Variants in ADK observed in about 807,000 individuals in gnomAD.
ADK encodes N6,N6-dimethyladenosine kinase.
A neutral mutation model predicts 44.7 loss-of-function variants in ADK; 24 were observed. The observed-to-expected ratio is 0.54, with a 90% CI of 0.39 to 0.76. The LOEUF is 0.76. Ranked by LOEUF, ADK falls within the 30% of genes least tolerant of loss-of-function variation. ADK has a pLI of 0.00. For synonymous variants in ADK, 128 were observed against 142.6 expected (o/e 0.90, Z 0.73); for missense variants, 321 against 425.1 (o/e 0.76, Z 2.15).
chr10:74,411,085 C>T (rs1230348584), intron 6 of ADK, among the ~76,000 whole-genome samples: 1 of 151,934 alleles, frequency 6.6e-6, no homozygotes, highest in Non-Finnish European at 1.5e-5. Context: ...TGCATTTTTG[C>T]CTCAAATTTT....
intron 3 of ADK, among the ~76,000 whole-genome samples, chr10:74,305,925 A>C (rs1300436258): frequency 6.6e-6 from 1 of 151,988 alleles, no homozygotes; most frequent in Admixed American, 6.6e-5. Flanking sequence ...GGGTCTCACT[A>C]TGTTGCCCAG....
chr10:74,267,082 T>G (rs1481139573), intron 3 of ADK, among the ~76,000 whole-genome samples: 1 of 152,226 alleles, frequency 6.6e-6, no homozygotes, highest in African/African-American at 2.4e-5. Context: ...TTCCATTGTA[T>G]TAGATATTGT....
At chr10:74,320,855 A>G (rs1443276031) in intron 4 of ADK, among the ~76,000 whole-genome samples, 1 of 152,156 alleles carries the variant, frequency 6.6e-6, no homozygotes, top group African/African-American at 2.4e-5. Flanking sequence ...GTCTTCTTCA[A>G]TTTGGGAGTA....
chr10:74,672,646 A>T (rs1855231933), intron 10 of ADK, among the ~76,000 whole-genome samples: 1 of 152,228 alleles, frequency 6.6e-6, no homozygotes, highest in African/African-American at 2.4e-5. Flanking sequence ...TCCTAATGTC[A>T]GTTTATTAAT....
chr10:74,387,444 G>A (rs569258960), intron 4 of ADK, among the ~76,000 whole-genome samples: 12 of 152,224 alleles, frequency 7.9e-5, no homozygotes, highest in African/African-American at 2.6e-4. Flanking sequence ...TGGCTGAAAC[G>A]AATTATTTAA....
chr10:74,408,723 G>A (rs1564704836), intron 6 of ADK, among the ~76,000 whole-genome samples: 2 of 151,958 alleles, frequency 1.3e-5, no homozygotes, highest in Non-Finnish European at 2.9e-5. Flanking sequence ...AATAAATTAA[G>A]CTAAAGAAAA....
intron 6 of ADK, among the ~76,000 whole-genome samples, chr10:74,424,209 G>A (rs576985904): frequency 3.9e-5 from 6 of 152,100 alleles, no homozygotes; most frequent in South Asian, 2.1e-4. Context: ...TTACTTAAAC[G>A]CAGAGACCAT....
At chr10:74,337,197 G>C (rs764624069) in intron 4 of ADK, among the ~76,000 whole-genome samples, 6 of 152,246 alleles carry the variant, frequency 3.9e-5, no homozygotes, top group Non-Finnish European at 7.3e-5. Flanking sequence ...AAGCAAGGCA[G>C]CTAATGAAGA....
chr10:74,425,651 A>G (rs117619408), intron 6 of ADK, among the ~76,000 whole-genome samples: 5,214 of 152,300 alleles, frequency 0.034, 147 homozygotes, highest in Middle Eastern at 0.054. Context: ...CCAGTGTATC[A>G]CTGCCAGTTC....
Position 74,527,669 on chromosome 10 carries a change from A to G in ADK, c.726+2243A>G, listed in dbSNP as rs116829936. 3.9e-3 allele frequency: 4,168 copies of G among 1,067,518 alleles called. 110 individuals are homozygous for G. The African/African-American group carries it at 0.057, about 15-fold the overall frequency. The allele number at this position is 1,067,518 out of a possible 1,614,324, so 66.1% of individuals were successfully genotyped here. ...AATATTTTGGCATCTTCAGCCTACC[A>G]AAACTGTGTCAAAAATGCCTCTCTT... On this transcript the variant is annotated intron_variant, in intron 7 of 10. Transcript: ENST00000539909.
chr10:74,309,840 A>G (rs1471413891), intron 3 of ADK, among the ~76,000 whole-genome samples: 1 of 152,130 alleles, frequency 6.6e-6, no homozygotes, highest in Non-Finnish European at 1.5e-5. Flanking sequence ...GTATAAGGAC[A>G]TCCCGTATTA....
At chr10:74,413,530 C>G (rs1844260562) in intron 6 of ADK, among the ~76,000 whole-genome samples, 1 of 152,220 alleles carries the variant, frequency 6.6e-6, no homozygotes, top group Non-Finnish European at 1.5e-5. Flanking sequence ...CCTCACCTCT[C>G]AGCTTTAACA....
chr10:74,362,365 A>G (rs569390227), intron 4 of ADK, among the ~76,000 whole-genome samples: 1,602 of 91,364 alleles, frequency 0.018, 28 homozygotes, highest in African/African-American at 0.047. Flanking sequence ...TTTTCGCTTC[A>G]TTAATTTTTT....
chr10:74,655,763 C>T (rs1344227270), intron 9 of ADK: 3 of 491,954 alleles, frequency 6.1e-6, no homozygotes, highest in African/African-American at 3.9e-5. Context: ...CAGACACCCT[C>T]CCTGGCCACC....
chr10:74,530,809 C>G (rs1849256449), intron 7 of ADK, among the ~76,000 whole-genome samples: 2 of 152,112 alleles, frequency 1.3e-5, no homozygotes, highest in African/African-American at 4.8e-5. Context: ...CCTGTAATCC[C>G]AGCTACTCGG....
intron 7 of ADK, among the ~76,000 whole-genome samples, chr10:74,582,388 G>A (rs1851401977): frequency 6.6e-6 from 1 of 152,066 alleles, no homozygotes; most frequent in East Asian, 1.9e-4. Flanking sequence ...TCTTATGCTA[G>A]CCTCTTTCTT....
intron 6 of ADK, among the ~76,000 whole-genome samples, chr10:74,422,583 C>T (rs1257715108): frequency 6.6e-6 from 1 of 152,050 alleles, no homozygotes; most frequent in Non-Finnish European, 1.5e-5. Context: ...CATAGGAAGT[C>T]TGTATATTAA....
At chr10:74,591,686 T>A (rs1410763815) in intron 8 of ADK, among the ~76,000 whole-genome samples, 1 of 152,210 alleles carries the variant, frequency 6.6e-6, no homozygotes, top group Non-Finnish European at 1.5e-5. Context: ...TTAATACTCT[T>A]GGCTAGTGTG....
chr10:74,427,222 G>A (rs1468052165), intron 6 of ADK, among the ~76,000 whole-genome samples: 3 of 151,834 alleles, frequency 2.0e-5, no homozygotes, highest in Non-Finnish European at 4.4e-5. Flanking sequence ...TTTTTGAGGT[G>A]GAGTCTGGCT....
Sources: allele counts gnomAD v4.1 joint callset (sites outside exome capture counted in the v4.1 genomes callset), GRCh38; gene constraint gnomAD v4.1.1; transcripts MANE v1.5; gene names NCBI Gene and HGNC (gene_info 2026-07-23, HGNC 2026-07-21).